The following ARRDC2 variants were observed in gnomAD, a reference collection of about 807,000 sequenced individuals.
ARRDC2 encodes arrestin domain containing 2, also known as arrestin domain-containing protein 2.
In ARRDC2, 39 loss-of-function variants were observed where a neutral mutation model predicts 38.9. The observed-to-expected ratio is 1.00, with a 90% CI of 0.78 to 1.31. The LOEUF is 1.31. ARRDC2 is among the 50% of genes most tolerant of loss of function. The pLI, the probability that ARRDC2 is intolerant of heterozygous loss-of-function variation, is 0.00. For synonymous variants in ARRDC2, 300 were observed against 261.9 expected (o/e 1.15, Z -1.41); for missense variants, 553 against 588.4 (o/e 0.94, Z 0.62).
Position 18,001,434 on chromosome 19 carries a change from G to A in ARRDC2, c.120G>A (p.Arg40=). The change falls in exon 1 of 8, where the codon CGG becomes CGA. Residue 40 remains arginine (R), a synonymous_variant. Transcript: ENST00000379656. ...TGCTGGAGGCGGCGGCGCCGCTGCG[G>A]GTGCGAGCGCTCGAGGTGAAGGCGC... The A allele has an allele frequency of 5.6e-6, 7 of 1,241,356 alleles. No individual in the cohort carries two copies. In the South Asian group the frequency reaches 2.0e-4, roughly 35 times the overall value. 76.9% of individuals were successfully genotyped at this position (1,241,356 alleles called of 1,614,324 possible).
chr19:18,009,143 A>G, intron 3 of ARRDC2, 25 bp downstream of exon 3: 1 of 1,611,520 alleles, frequency 6.2e-7, no homozygotes, highest in Admixed American at 1.7e-5. Context: ...TTGGGGAGGT[A>G]GGTTGGGAGT....
At position 18,009,592 on chromosome 19, in the gene ARRDC2, G is replaced by A. The variant is rs1294309989; in HGVS notation, c.490G>A (p.Ala164Thr). The change falls in exon 4 of 8, where the codon GCA becomes ACA. Residue 164 changes from alanine (A) to threonine (T), a missense_variant and splice_region_variant. By Grantham distance (58) the Ala-to-Thr change is moderately conservative (BLOSUM62 0). Coordinates refer to ENST00000222250, the MANE Select transcript of ARRDC2 (RefSeq NM_015683.2). ...PVDINTPALL[A>T]PQAGAREKVA... ...ATGTCACTTTCCTCTACACCGACAGGCACCTCAAGCGGGGGCTCGGGAAAA... is the reference window on the plus strand; with the variant it reads ...ATGTCACTTTCCTCTACACCGACAGACACCTCAAGCGGGGGCTCGGGAAAA... 1.3e-6 allele frequency: 2 copies of A among 1,597,906 alleles called. No homozygotes were observed. Among genetic ancestry groups the A allele is most frequent in the Middle Eastern group, 1.7e-4 (1 of 6,020 alleles).
In ARRDC2 at chr19:18,008,392, C is replaced by T. The variant is rs759124187; in HGVS notation, c.82C>T (p.Gln28Ter). 1 of 1,595,256 alleles carries T rather than the reference C, an allele frequency of 6.3e-7. No homozygotes were observed. The highest frequency in any genetic ancestry group is 8.5e-7 in the Non-Finnish European group (1 of 1,178,312). ...AGVEPVFSGG[Q>*]AVAGRVLLEL... ...CGTCGAGCCCGTGTTTAGCGGCGGC[C>T]AGGCCGTGGCGGGCCGGGTGCTGCT... Residue 28 changes from glutamine (Q) to a stop codon, truncating the protein, a stop_gained, in exon 1 of 8, where the codon CAG becomes TAG. Coordinates refer to ENST00000222250, the MANE Select transcript of ARRDC2 (RefSeq NM_015683.2). LOFTEE classifies it high-confidence loss of function.
chr19:18,004,397 G>A (rs980885023), upstream of ARRDC2, among the ~76,000 whole-genome samples: 4 of 149,972 alleles, frequency 2.7e-5, no homozygotes, highest in Non-Finnish European at 3.0e-5. Context: ...ACAGGCATGC[G>A]CCACCACACC....
upstream of ARRDC2, among the ~76,000 whole-genome samples, chr19:18,004,996 G>C (rs1189894345): frequency 6.6e-6 from 1 of 150,684 alleles, no homozygotes; most frequent in Non-Finnish European, 1.5e-5. Context: ...AAAAAAAAAA[G>C]AAAAGCAAAT....
intron 1 of ARRDC2, among the ~76,000 whole-genome samples, chr19:18,002,471 C>T (rs751140966): frequency 2.0e-5 from 3 of 152,172 alleles, no homozygotes; most frequent in Non-Finnish European, 4.4e-5. Flanking sequence ...TGTGTGGCTG[C>T]GGGAGGGCAT....
chr19:18,004,245 CTTTT>C (rs34248029), upstream of ARRDC2, among the ~76,000 whole-genome samples: 1 of 114,780 alleles, frequency 8.7e-6, no homozygotes. Flanking sequence ...GCCGGGCTAA[CTTTT>C]TTTTTTTTTT....
In ARRDC2 at chr19:18,010,121, T is replaced by C; in HGVS notation, c.850-75T>C. ...AGACTGGGGGAAGCTGAGGCCTCAG[T>C]CTCCCCAGGCATAGGAGGGAGGTGG... On this transcript the variant is annotated intron_variant, in intron 5 of 7. Transcript: ENST00000222250. 6 of 1,604,134 alleles carry C rather than the reference T, an allele frequency of 3.7e-6. No individual in the cohort carries two copies. The South Asian group carries it at 6.6e-5, about 18-fold the overall frequency.
In ARRDC2 at chr19:18,013,027, G is replaced by A; in HGVS notation, c.*61G>A. 1 of 1,575,856 alleles carries A rather than the reference G, an allele frequency of 6.3e-7. No individual in the cohort carries two copies. The highest frequency in any genetic ancestry group is 8.7e-7 in the Non-Finnish European group (1 of 1,149,684). On this transcript the variant is annotated 3_prime_UTR_variant, in exon 8 of 8. Coordinates refer to ENST00000222250, the MANE Select transcript of ARRDC2 (RefSeq NM_015683.2). ...ACCAGCTTTCAGCCACCATGACTGT[G>A]GGGAGTGGCTGGACCAAGGGCTGAC...
At chr19:18,012,404 T>A (rs1296811900) in intron 7 of ARRDC2, among the ~76,000 whole-genome samples, 1 of 151,456 alleles carries the variant, frequency 6.6e-6, no homozygotes, top group Non-Finnish European at 1.5e-5. Flanking sequence ...CTGGCCAACA[T>A]GGCGAAACCA....
chr19:18,010,701 G>C lies in ARRDC2; in HGVS notation c.1142G>C (p.Arg381Pro), dbSNP rs369066496. ...TTCTTCGCCTACATCCAAGAGTTCC[G>C]CTACCGCCCGCCACCCCTGTACTCT... is the stretch of plus-strand genomic sequence containing the variant. Reference protein sequence around the residue: ...GPFFAYIQEFRYRPPPLYSEE... With the variant: ...GPFFAYIQEFPYRPPPLYSEE... Residue 381 changes from arginine to proline, a missense_variant, in exon 7 of 8, where the codon CGC becomes CCC. Coordinates refer to ENST00000222250, the MANE Select transcript of ARRDC2 (RefSeq NM_015683.2). 3 of 1,613,654 alleles carry C rather than the reference G, an allele frequency of 1.9e-6. No individual in the cohort carries two copies. The highest frequency in any genetic ancestry group is 2.5e-6 in the Non-Finnish European group (3 of 1,180,032).
At chr19:18,006,255 C>T (rs1257846145), upstream of ARRDC2, among the ~76,000 whole-genome samples, 1 of 152,072 alleles carries the variant, frequency 6.6e-6, no homozygotes, top group African/African-American at 2.4e-5. Flanking sequence ...AATCTCGGCA[C>T]TTTGGGAGGC....
intron 1 of ARRDC2, chr19:18,001,717 G>C: frequency 9.9e-7 from 1 of 1,010,584 alleles, no homozygotes; most frequent in Non-Finnish European, 1.3e-6. Context: ...CCGGGGTCCT[G>C]ACCCTCCCAC....
Position 18,008,600 on chromosome 19 carries a change from C to T in ARRDC2, c.274+16C>T. 1 of 1,594,334 alleles carries T rather than the reference C, an allele frequency of 6.3e-7. No homozygotes were observed. The highest frequency in any genetic ancestry group is 8.5e-7 in the Non-Finnish European group (1 of 1,176,966). On this transcript the variant is annotated intron_variant, in intron 1 of 7. Transcript: ENST00000222250. ...CTGGCGCCAGGTACGGATGGAGGAC[C>T]CCTGCTCCAACACCAGTTGTGTGCC...
rs1599398305 is a variant in ARRDC2 at position 18,009,072 on chromosome 19, T to G, written c.443T>G (p.Val148Gly). ...GTCCCAGCACGCCGGGCAAGGAAGG[T>G]GTTCACTGTCATCGAGCCTGTGGAC... ...PWVPARRARK[V>G]FTVIEPVDIN... The change falls in exon 3 of 8, where the codon GTG becomes GGG. Residue 148 changes from valine to glycine, a missense_variant. By Grantham distance (109) the Val-to-Gly change is moderately radical (BLOSUM62 -3). Coordinates refer to ENST00000222250, the MANE Select transcript of ARRDC2 (RefSeq NM_015683.2). 3 of 1,613,418 alleles carry G rather than the reference T, an allele frequency of 1.9e-6. No homozygotes were observed. The African/African-American group carries it at 4.0e-5, about 22-fold the overall frequency.
chr19:18,008,244 T>C lies in ARRDC2; in HGVS notation c.-67T>C. ...GCGTTCTGAGGCTGCAGCGTCGGCA[T>C]CTTGAGCTGCCGGTTCGCGAGTTCG... On this transcript the variant is annotated 5_prime_UTR_variant, in exon 1 of 8. Transcript: ENST00000222250. 1.3e-6 allele frequency: 2 copies of C among 1,556,464 alleles called. No individual in the cohort carries two copies. The highest frequency in any genetic ancestry group is 1.7e-6 in the Non-Finnish European group (2 of 1,163,308).
intron 2 of ARRDC2, 43 bp from the exon 3 acceptor site, chr19:18,008,928 G>C: frequency 6.2e-7 from 1 of 1,608,860 alleles, no homozygotes; most frequent in Non-Finnish European, 8.5e-7. Flanking sequence ...CTGCCTGCTT[G>C]TCTCTGTATC....
At chr19:18,009,297 G>C (rs1483160231) in intron 3 of ARRDC2, 179 bp downstream of exon 3, 4 of 771,580 alleles carry the variant, frequency 5.2e-6, no homozygotes, top group Non-Finnish European at 6.2e-6. Flanking sequence ...GTGTGACTCT[G>C]GGCAAGTGTC....
In ARRDC2 at chr19:18,010,725, CTG is replaced by C; in HGVS notation, c.1167_1168del (p.Glu390GlyfsTer37). ...CGCTACCGCCCGCCACCCCTGTACT[CTG>C]AGGTGAGCTCAGGGGTCTGAGAACC... On this transcript the variant is annotated frameshift_variant and splice_region_variant, in exon 7 of 8. Coordinates refer to ENST00000222250, the MANE Select transcript of ARRDC2 (RefSeq NM_015683.2). LOFTEE classifies it high-confidence loss of function. 1 of 1,613,714 alleles carries C rather than the reference CTG, an allele frequency of 6.2e-7. No individual in the cohort carries two copies. The highest frequency in any genetic ancestry group is 8.5e-7 in the Non-Finnish European group (1 of 1,180,000).
Sources: gnomAD v4.1 joint callset for allele counts (sites outside exome capture counted in the v4.1 genomes callset) on GRCh38, gnomAD v4.1.1 for gene constraint, MANE v1.5 for transcripts, NCBI Gene and HGNC (gene_info 2026-07-23, HGNC 2026-07-21) for gene names.